Variants in P2RY14 observed in about 807,000 individuals in gnomAD.
P2RY14 encodes purinergic receptor P2Y14.
In P2RY14, 2 loss-of-function variants were observed where a neutral mutation model predicts 0.9. That is an observed-to-expected ratio of 2.16 (90% CI 0.88 to 6.79). P2RY14 has a LOEUF of 6.79. Among genes scored for constraint, P2RY14 ranks in the 30% most tolerant of loss-of-function variants. The pLI is 0.05. For missense variants in P2RY14, 378 were observed against 400.1 expected (o/e 0.94, Z 0.47); for synonymous variants, 158 against 147.2 (o/e 1.07, Z -0.53).
chr3:151,273,227 C>CTTTTTTTT (rs63035061), intron 1 of P2RY14, among the ~76,000 whole-genome samples: 4 of 106,170 alleles, frequency 3.8e-5, no homozygotes, highest in Non-Finnish European at 7.6e-5. Context: ...TTGTTGTGTT[C>CTTTTTTTT]TTTTTTTTTT....
intron 1 of P2RY14, chr3:151,269,574 A>G: frequency 3.4e-6 from 1 of 290,258 alleles, no homozygotes; most frequent in Non-Finnish European, 6.8e-6. Flanking sequence ...GGGTAACAGC[A>G]TTTGTCAGCC....
chr3:151,265,502 A>C (rs990537277), intron 1 of P2RY14, among the ~76,000 whole-genome samples: 1 of 152,110 alleles, frequency 6.6e-6, no homozygotes, highest in Non-Finnish European at 1.5e-5. Flanking sequence ...TCAACTGCCC[A>C]CTTGCCGGTC....
chr3:151,239,609 CAA>C (rs1559920930), intron 1 of P2RY14, among the ~76,000 whole-genome samples: 2 of 152,140 alleles, frequency 1.3e-5, no homozygotes. Context: ...ATAACTGTCA[CAA>C]TTTTAATTTC....
At chr3:151,225,166 C>G (rs1225952385) in intron 1 of P2RY14, among the ~76,000 whole-genome samples, 1 of 152,164 alleles carries the variant, frequency 6.6e-6, no homozygotes, top group African/African-American at 2.4e-5. Flanking sequence ...TCCTATGTTT[C>G]TAAGTCATAG....
In P2RY14 at chr3:151,253,502, G is replaced by A. The variant is rs977461509; in HGVS notation, c.-133+24785C>T. 3.2e-4 allele frequency among the ~76,000 whole-genome samples: 48 copies of A among 152,144 alleles called. 1 individual carries two copies. Among genetic ancestry groups the A allele is most frequent in the African/African-American group, 1.1e-3 (45 of 41,448 alleles). On this transcript the variant is annotated intron_variant, in intron 1 of 2. Transcript: ENST00000309170. ...TGGGCCCTCTTAAATTTCAACTTTA[G>A]TGGAGCTTTCCTTTATGTTCTTACT...
At chr3:151,278,247 C>T (rs1417470515) in intron 1 of P2RY14, 40 bp downstream of exon 1, 1 of 152,244 alleles carries the variant, frequency 6.6e-6, no homozygotes. Context: ...GCACCATTCA[C>T]ATACATGCAA....
chr3:151,240,633 A>G (rs1733888532), intron 1 of P2RY14, among the ~76,000 whole-genome samples: 1 of 152,244 alleles, frequency 6.6e-6, no homozygotes, highest in South Asian at 2.1e-4. Context: ...TCCTTTATCT[A>G]CCATGCAAGA....
At chr3:151,250,672 A>G (rs1025318830) in intron 1 of P2RY14, among the ~76,000 whole-genome samples, 11 of 152,276 alleles carry the variant, frequency 7.2e-5, no homozygotes, top group African/African-American at 2.4e-4. Context: ...TCATCTGTCC[A>G]TAGTCCTTGG....
intron 1 of P2RY14, among the ~76,000 whole-genome samples, chr3:151,247,488 C>T (rs1354820222): frequency 1.3e-5 from 2 of 151,354 alleles, no homozygotes; most frequent in Non-Finnish European, 2.9e-5. Flanking sequence ...TGGAAATCAT[C>T]ATTCTCAGTA....
At chr3:151,270,363 T>G (rs1740707062) in intron 1 of P2RY14, among the ~76,000 whole-genome samples, 1 of 152,046 alleles carries the variant, frequency 6.6e-6, no homozygotes, top group African/African-American at 2.4e-5. Flanking sequence ...CTCTACCCCT[T>G]TCTGTTCCAA....
intron 1 of P2RY14, among the ~76,000 whole-genome samples, chr3:151,237,787 TGTA>T (rs1457712293): frequency 6.6e-6 from 1 of 152,226 alleles, no homozygotes; most frequent in Non-Finnish European, 1.5e-5. Context: ...GTTATTATAT[TGTA>T]GTCTTCATTT....
intron 1 of P2RY14, among the ~76,000 whole-genome samples, chr3:151,257,569 GT>G (rs1450533234): frequency 2.6e-5 from 4 of 152,194 alleles, no homozygotes; most frequent in Admixed American, 6.5e-5. Flanking sequence ...GAGGAATATT[GT>G]TCTGTATGCC....
intron 1 of P2RY14, among the ~76,000 whole-genome samples, chr3:151,223,186 A>C (rs1035601901): frequency 6.6e-6 from 1 of 151,056 alleles, no homozygotes; most frequent in African/African-American, 2.4e-5. Flanking sequence ...AAAAAAAAAA[A>C]AAAACTAGAT....
chr3:151,253,993 T>C (rs893425116), intron 1 of P2RY14, among the ~76,000 whole-genome samples: 1 of 114,490 alleles, frequency 8.7e-6, no homozygotes, highest in African/African-American at 3.3e-5. Context: ...GTTTTGATTT[T>C]TTCTTGTTTT....
In P2RY14 at chr3:151,271,029, A is replaced by T. The variant is rs987098172; in HGVS notation, c.-133+7258T>A. 2.0e-5 allele frequency among the ~76,000 whole-genome samples: 3 copies of T among 152,252 alleles called. No individual in the cohort carries two copies. In the East Asian group the frequency reaches 5.8e-4, roughly 29 times the overall value. On this transcript the variant is annotated intron_variant, in intron 1 of 2. Transcript: ENST00000309170. ...CATACCCAAAAACCAAAAAAAAAAA[A>T]ATCCCCAAATTTAAAACTTTCATTT...
At chr3:151,254,842 T>C (rs1442846269) in intron 1 of P2RY14, among the ~76,000 whole-genome samples, 1 of 152,226 alleles carries the variant, frequency 6.6e-6, no homozygotes. Context: ...GTTGCAATTA[T>C]TGCTGTCTTA....
chr3:151,253,663 G>A (rs1737259209), intron 1 of P2RY14, among the ~76,000 whole-genome samples: 2 of 152,092 alleles, frequency 1.3e-5, no homozygotes, highest in African/African-American at 4.8e-5. Flanking sequence ...TTGTGAGGGG[G>A]TGGGTGGGTA....
Position 151,212,224 on chromosome 3 carries a change from T to C in P2RY14, c.*1076A>G, listed in dbSNP as rs556275207. 1.3e-5 allele frequency: 2 copies of C among 152,232 alleles called. No homozygotes were observed. Among genetic ancestry groups the C allele is most frequent in the African/African-American group, 2.4e-5 (1 of 41,462 alleles). The allele number at this position is 152,232 out of a possible 1,614,324, so 9.4% of individuals were successfully genotyped here. On this transcript the variant is annotated 3_prime_UTR_variant, in exon 3 of 3. Transcript: ENST00000309170. ...AGAACATTTGAAAAATAGATGAATG[T>C]CTTCTAGCCAGTTAATAGCAGAGAA...
At chr3:151,245,370 A>G (rs1232931258) in intron 1 of P2RY14, among the ~76,000 whole-genome samples, 1 of 151,614 alleles carries the variant, frequency 6.6e-6, no homozygotes, top group Non-Finnish European at 1.5e-5. Context: ...AAAATCCTCA[A>G]TAAAATACTG....
Sources: gnomAD v4.1 joint callset for allele counts (sites outside exome capture counted in the v4.1 genomes callset) on GRCh38, gnomAD v4.1.1 for gene constraint, MANE v1.5 for transcripts, NCBI Gene and HGNC (gene_info 2026-07-23, HGNC 2026-07-21) for gene names.